Variants in OTOP2 observed in about 807,000 individuals in gnomAD.
OTOP2 encodes the protein otopetrin 2, also known as proton channel OTOP2.
OTOP2 carries 41 observed loss-of-function variants against 47.4 expected under a neutral mutation model. The ratio of observed to expected loss-of-function variants is 0.87; its 90% CI spans 0.67 to 1.12. OTOP2 has a LOEUF of 1.12. OTOP2 is among the 50% of genes most tolerant of loss of function. The probability of loss-of-function intolerance (pLI) is 0.00; values close to 1 mark genes in which losing one functional copy is unlikely to be tolerated. For synonymous variants in OTOP2, 328 were observed against 319.6 expected, an observed-to-expected ratio of 1.03 and a Z score of -0.28; for missense variants, 721 against 752.2, an observed-to-expected ratio of 0.96 and a Z score of 0.49.
chr17:74,924,876 C>T lies in OTOP2; in HGVS notation c.244C>T (p.Leu82Phe). The change falls in exon 2 of 7, where the codon CTC becomes TTC. Residue 82 changes from leucine to phenylalanine, a missense_variant. Transcript: ENST00000331427. The surrounding 1 kb of genome is among the most constrained non-coding windows in gnomAD (Gnocchi z 7.7). ...LATLWILFYL[L>F]RTVRCPCAVP... ...AACGCTCTGGATCCTCTTCTACCTC[C>T]TCCGAACCGTGCGCTGCCCCTGCGC... is the stretch of plus-strand genomic sequence containing the variant. 6.2e-7 allele frequency: 1 copy of T among 1,602,794 alleles called. No homozygotes were observed. The highest frequency in any genetic ancestry group is 1.3e-5 in the African/African-American group (1 of 74,990).
In OTOP2 at chr17:74,930,668, A is replaced by C. The variant is rs202205540; in HGVS notation, c.1033A>C (p.Ser345Arg). 1.4e-5 allele frequency: 23 copies of C among 1,613,970 alleles called. 1 individual carries two copies. The Admixed American group carries it at 2.7e-4, about 19-fold the overall frequency. Residue 345 changes from serine to arginine, a missense_variant, in exon 6 of 7, where the codon AGC (serine) becomes CGC (arginine). Physicochemically the swap from Ser to Arg is moderately radical, Grantham distance 110. Transcript: ENST00000331427. The surrounding 1 kb of genome is among the most constrained non-coding windows in gnomAD (Gnocchi z 4.0). Reference protein sequence around the residue: ...CLGLTTLVSLSGSIIYRFDRR... With the variant: ...CLGLTTLVSLRGSIIYRFDRR... Reference sequence around the variant, plus strand: ...GGGACTCACCACCTTGGTCAGCCTGAGCGGCTCCATCATCTACCGTTTTGA... The same window carrying C: ...GGGACTCACCACCTTGGTCAGCCTGCGCGGCTCCATCATCTACCGTTTTGA...
intron 5 of OTOP2, among the ~76,000 whole-genome samples, chr17:74,929,357 G>A (rs991450376): frequency 6.6e-6 from 1 of 152,246 alleles, no homozygotes; most frequent in Middle Eastern, 3.4e-3. Context: ...GGGCAGAAAG[G>A]GATGGAAGGA....
chr17:74,926,049 G>A (rs1302026246), intron 3 of OTOP2, among the ~76,000 whole-genome samples: 1 of 152,244 alleles, frequency 6.6e-6, no homozygotes, highest in East Asian at 1.9e-4. Flanking sequence ...CCAGGCTCCT[G>A]CCAGCTTGGT....
In OTOP2 at chr17:74,933,477, C is replaced by G. The variant is rs749129710; in HGVS notation, c.1621C>G (p.Leu541Val). 2.0e-5 allele frequency: 33 copies of G among 1,614,042 alleles called. No individual in the cohort carries two copies. The Admixed American group carries it at 5.2e-4, about 25-fold the overall frequency. ...SLWAVIVNIC[L>V]PFGIFYRMHA... ...CTGGGCGGTCATCGTCAACATCTGCCTCCCTTTCGGCATCTTCTACCGCAT... is the reference window on the plus strand; with the variant it reads ...CTGGGCGGTCATCGTCAACATCTGCGTCCCTTTCGGCATCTTCTACCGCAT... The change falls in exon 7 of 7, where the codon CTC (leucine) becomes GTC (valine). Residue 541 changes from leucine to valine, a missense_variant. Leu to Val is a conservative substitution (Grantham distance 32). Transcript: ENST00000331427. This position sits in a 1 kb window ranked among gnomAD's most constrained non-coding sequence, Gnocchi z 4.7.
Position 74,930,566 on chromosome 17 carries a change from G to C in OTOP2, c.931G>C (p.Glu311Gln). The change falls in exon 6 of 7, where the codon GAG becomes CAG. Residue 311 changes from glutamate to glutamine, a missense_variant. By Grantham distance (29) the Glu-to-Gln change is conservative (BLOSUM62 2). Coordinates refer to ENST00000331427, the MANE Select transcript of OTOP2 (RefSeq NM_178160.3). This position sits in a 1 kb window ranked among gnomAD's most constrained non-coding sequence, Gnocchi z 4.0. ...GGGGCTGGCTGTCTTCATCATCTAC[G>C]AGGTTCAAGTGAGCGGGGACGGGAG... ...VVGLAVFIIY[E>Q]VQVSGDGSRT... 6.2e-7 allele frequency: 1 copy of C among 1,613,678 alleles called. No homozygotes were observed. Among genetic ancestry groups the C allele is most frequent in the Non-Finnish European group, 8.5e-7 (1 of 1,179,770 alleles).
chr17:74,924,868 T>A lies in OTOP2; in HGVS notation c.236T>A (p.Phe79Tyr). The change falls in exon 2 of 7, where the codon TTC becomes TAC. Residue 79 changes from phenylalanine to tyrosine, a missense_variant. Coordinates refer to ENST00000331427, the MANE Select transcript of OTOP2 (RefSeq NM_178160.3). This position sits in a 1 kb window ranked among gnomAD's most constrained non-coding sequence, Gnocchi z 7.7. ...MMLLATLWIL[F>Y]YLLRTVRCPC... is the part of the protein sequence containing the mutation. ...CTGCTGGCAACGCTCTGGATCCTCT[T>A]CTACCTCCTCCGAACCGTGCGCTGC... The A allele has an allele frequency of 6.2e-7, 1 of 1,605,120 alleles. No individual in the cohort carries two copies. The highest frequency in any genetic ancestry group is 8.5e-7 in the Non-Finnish European group (1 of 1,176,356).
chr17:74,927,443 G>A (rs2039018309), intron 4 of OTOP2, 162 bp downstream of exon 4: 1 of 1,045,646 alleles, frequency 9.6e-7, no homozygotes, highest in Non-Finnish European at 1.4e-6. Context: ...CTACCTTGTG[G>A]GGCCCTTTCT....
chr17:74,928,096 AC>A, intron 5 of OTOP2: 1 of 348,556 alleles, frequency 2.9e-6, no homozygotes, highest in Non-Finnish European at 5.2e-6. Flanking sequence ...TAATCCTAGC[AC>A]TTTGGAAGGC....
chr17:74,927,155 G>C, intron 3 of OTOP2, 68 bp from the exon 4 acceptor site: 2 of 1,391,530 alleles, frequency 1.4e-6, no homozygotes, highest in Non-Finnish European at 2.0e-6. Flanking sequence ...AGATGGCATG[G>C]ACTTGGGTGC....
Position 74,930,188 on chromosome 17 carries a change from C to CA in OTOP2, c.644-87dup. The CA allele has an allele frequency of 2.1e-6, 3 of 1,438,196 alleles. No homozygotes were observed. Among genetic ancestry groups the CA allele is most frequent in the Non-Finnish European group, 2.8e-6 (3 of 1,077,018 alleles). 89.1% of individuals were successfully genotyped at this position (1,438,196 alleles called of 1,614,324 possible). A position where few individuals can be genotyped will look rare whatever the true frequency, so the allele number is the denominator to read the frequency against. On this transcript the variant is annotated intron_variant, in intron 5 of 6. Coordinates refer to ENST00000331427, the MANE Select transcript of OTOP2 (RefSeq NM_178160.3). This position sits in a 1 kb window ranked among gnomAD's most constrained non-coding sequence, Gnocchi z 4.0. ...TCAAGAGTGAAACTCCGTCTCAAAA[C>CA]AAAACAAAAAAAAAAAGGTCACAGG...
intron 5 of OTOP2, among the ~76,000 whole-genome samples, chr17:74,929,752 T>C (rs1172803000): frequency 6.6e-6 from 1 of 152,180 alleles, no homozygotes; most frequent in Non-Finnish European, 1.5e-5. Context: ...AGCACTGATG[T>C]GTCCCAGTCT....
rs779953188 is a variant in OTOP2 at position 74,930,345 on chromosome 17, A to G, written c.710A>G (p.Gln237Arg). 4 of 1,614,132 alleles carry G rather than the reference A, an allele frequency of 2.5e-6. No individual in the cohort carries two copies. Among genetic ancestry groups the G allele is most frequent in the Non-Finnish European group, 3.4e-6 (4 of 1,180,012 alleles). The change falls in exon 6 of 7, where the codon CAG (glutamine) becomes CGG (arginine). Residue 237 changes from glutamine (Q) to arginine (R), a missense_variant. Coordinates refer to ENST00000331427, the MANE Select transcript of OTOP2 (RefSeq NM_178160.3). The surrounding 1 kb of genome is among the most constrained non-coding windows in gnomAD (Gnocchi z 4.0). ...LCSTAVCQIFQQGYFYLYPFN... is the reference protein window; with the variant it reads ...LCSTAVCQIFRQGYFYLYPFN... ...AGCACGGCCGTCTGCCAGATCTTCC[A>G]GCAGGGGTACTTCTACCTATATCCC...
Position 74,929,925 on chromosome 17 carries a change from G to A in OTOP2, c.644-354G>A, listed in dbSNP as rs113636257. On this transcript the variant is annotated intron_variant, in intron 5 of 6. Transcript: ENST00000331427. ...AGGCTGGGCGTGGTGGCTCACGCCT[G>A]TAATCCCAGCATTTTGGGAGGCCGA... 2.5e-3 allele frequency among the ~76,000 whole-genome samples: 380 copies of A among 152,146 alleles called. 3 individuals carry two copies. The highest frequency in any genetic ancestry group is 8.5e-3 in the African/African-American group (355 of 41,528).
Position 74,930,581 on chromosome 17 carries a change from G to C in OTOP2, c.946G>C (p.Gly316Arg). ...CATCATCTACGAGGTTCAAGTGAGC[G>C]GGGACGGGAGCCGCACCAGGCAGGC... ...VFIIYEVQVS[G>R]DGSRTRQALV... The change falls in exon 6 of 7, where the codon GGG becomes CGG. Residue 316 changes from glycine (G) to arginine (R), a missense_variant. Gly to Arg is a moderately radical substitution (Grantham distance 125). Transcript: ENST00000331427. The surrounding 1 kb of genome is among the most constrained non-coding windows in gnomAD (Gnocchi z 4.0). 2 of 1,613,928 alleles carry C rather than the reference G, an allele frequency of 1.2e-6. No homozygotes were observed. Among genetic ancestry groups the C allele is most frequent in the South Asian group, 2.2e-5 (2 of 91,064 alleles).
At chr17:74,931,825 C>T (rs770890387) in intron 6 of OTOP2, among the ~76,000 whole-genome samples, 23 of 151,956 alleles carry the variant, frequency 1.5e-4, no homozygotes, top group African/African-American at 3.6e-4. Context: ...TGGTAGTGTG[C>T]GCACCCTATA....
intron 3 of OTOP2, among the ~76,000 whole-genome samples, chr17:74,926,254 C>T (rs1432755168): frequency 6.6e-6 from 1 of 152,170 alleles, no homozygotes; most frequent in Non-Finnish European, 1.5e-5. Flanking sequence ...TGGATGATGC[C>T]CTCCCCAGAA....
intron 2 of OTOP2, 108 bp from the exon 3 acceptor site, chr17:74,925,448 C>A (rs2038998513): frequency 7.0e-7 from 1 of 1,429,522 alleles, no homozygotes; most frequent in Non-Finnish European, 9.6e-7. Flanking sequence ...ACTCACCCAT[C>A]CACCCACCCA....
Position 74,930,598 on chromosome 17 carries a change from C to T in OTOP2, c.963C>T (p.Thr321=). 6.2e-7 allele frequency: 1 copy of T among 1,614,016 alleles called. No homozygotes were observed. Among genetic ancestry groups the T allele is most frequent in the South Asian group, 1.1e-5 (1 of 91,080 alleles). The part of the protein sequence containing the change: ...EVQVSGDGSR[T]RQALVIYYSF... ...AAGTGAGCGGGGACGGGAGCCGCAC[C>T]AGGCAGGCCCTGGTCATCTACTACA... is the stretch of plus-strand genomic sequence containing the variant. Residue 321 remains threonine (T), a synonymous_variant, in exon 6 of 7, where the codon ACC becomes ACT. Coordinates refer to ENST00000331427, the MANE Select transcript of OTOP2 (RefSeq NM_178160.3). The surrounding 1 kb of genome is among the most constrained non-coding windows in gnomAD (Gnocchi z 4.0).
intron 6 of OTOP2, among the ~76,000 whole-genome samples, chr17:74,931,422 G>T (rs2039057978): frequency 6.6e-6 from 1 of 152,206 alleles, no homozygotes; most frequent in African/African-American, 2.4e-5. Context: ...TTGACACAGG[G>T]GCTGGGCAGA....
Sources: allele counts gnomAD v4.1 joint callset (sites outside exome capture counted in the v4.1 genomes callset), GRCh38; gene constraint gnomAD v4.1.1; non-coding constraint Gnocchi (gnomAD v3.1); transcripts MANE v1.5; gene names NCBI Gene and HGNC (gene_info 2026-07-23, HGNC 2026-07-21).